CWC27: variants seen among roughly 807,000 people sequenced by gnomAD.
CWC27 encodes the protein CWC27 spliceosome associated cyclophilin.
CWC27 carries 47 observed loss-of-function variants against 63.6 expected under a neutral mutation model. That is an observed-to-expected ratio of 0.74 (90% confidence interval 0.58 to 0.94). The LOEUF (loss-of-function observed/expected upper bound fraction) is 0.94. Among genes scored for constraint, CWC27 ranks in the 40% least tolerant of loss-of-function variants. The pLI is 0.00. For missense variants in CWC27, 495 were observed against 554.3 expected (o/e 0.89, Z 1.07); for synonymous variants, 175 against 179.8 (o/e 0.97, Z 0.22).
intron 13 of CWC27, among the ~76,000 whole-genome samples, chr5:64,982,059 C>G (rs574983496): frequency 6.6e-6 from 1 of 152,286 alleles, no homozygotes; most frequent in African/African-American, 2.4e-5. Context: ...AGTTTTAAAG[C>G]TTTCCTTTGG....
chr5:64,996,988 C>T (rs956338412), intron 13 of CWC27, among the ~76,000 whole-genome samples: 1 of 152,080 alleles, frequency 6.6e-6, no homozygotes, highest in Non-Finnish European at 1.5e-5. Flanking sequence ...CAAATGACTT[C>T]AGGACTTAAT....
intron 13 of CWC27, among the ~76,000 whole-genome samples, chr5:65,000,400 T>A (rs1189944864): frequency 6.6e-6 from 1 of 152,048 alleles, no homozygotes; most frequent in Non-Finnish European, 1.5e-5. Flanking sequence ...AATTTTTGCC[T>A]GGACCAATGC....
At chr5:65,009,640 G>A in intron 13 of CWC27, among the ~76,000 whole-genome samples, 1 of 152,262 alleles carries the variant, frequency 6.6e-6, no homozygotes, top group East Asian at 1.9e-4. Flanking sequence ...CATAAGGAAG[G>A]AAGAAACTAA....
intron 1 of CWC27, among the ~76,000 whole-genome samples, chr5:64,773,374 A>G (rs1743331640): frequency 6.6e-6 from 1 of 152,222 alleles, no homozygotes; most frequent in Non-Finnish European, 1.5e-5. Flanking sequence ...CACATATTGT[A>G]TGATTCTGTT....
intron 11 of CWC27, among the ~76,000 whole-genome samples, chr5:64,928,815 A>G (rs1437181460): frequency 6.6e-6 from 1 of 152,206 alleles, no homozygotes; most frequent in African/African-American, 2.4e-5. Context: ...CTAAAACTGA[A>G]TGTAAGTAGA....
At position 64,854,958 on chromosome 5, in the gene CWC27, C is replaced by T. The variant is rs145528942; in HGVS notation, c.939-30485C>T. Among the ~76,000 whole-genome samples the T allele has an allele frequency of 1.7e-3, 259 of 150,846 alleles. 1 individual carries two copies. Among genetic ancestry groups the T allele is most frequent in the African/African-American group, 6.2e-3 (255 of 41,196 alleles). ...AGTTCTTTTTTGAAAGATTTATCGTCAAAAAAAAATCTAGTTTAGTATGTC... is the reference window on the plus strand; with the variant it reads ...AGTTCTTTTTTGAAAGATTTATCGTTAAAAAAAAATCTAGTTTAGTATGTC... On this transcript the variant is annotated intron_variant, in intron 10 of 13. Transcript: ENST00000381070.
In CWC27 at chr5:64,804,257, A is replaced by T; in HGVS notation, c.809A>T (p.Asp270Val). 1 of 1,612,354 alleles carries T rather than the reference A, an allele frequency of 6.2e-7. No homozygotes were observed. Among genetic ancestry groups the T allele is most frequent in the Non-Finnish European group, 8.5e-7 (1 of 1,179,150 alleles). The change falls in exon 10 of 14, where the codon GAT (aspartate) becomes GTT (valine). Residue 270 changes from aspartate (D) to valine (V), a missense_variant. This residue lies in a region of CWC27 where 463 missense variants were observed against 498.1 expected (regional missense o/e 0.93). Coordinates refer to ENST00000381070, the MANE Select transcript of CWC27 (RefSeq NM_005869.4). ...DDGEDESAEH[D>V]EYIDGDEKNL... Reference sequence around the variant, plus strand: ...GGAGAAGATGAAAGTGCAGAGCATGATGAATATATTGATGGTGATGAAAAG... The same window carrying T: ...GGAGAAGATGAAAGTGCAGAGCATGTTGAATATATTGATGGTGATGAAAAG...
intron 10 of CWC27, among the ~76,000 whole-genome samples, chr5:64,841,884 T>G (rs942600735): frequency 6.6e-6 from 1 of 152,122 alleles, no homozygotes; most frequent in African/African-American, 2.4e-5. Context: ...TTCTCCATGT[T>G]GGTCAGGCTG....
chr5:64,856,468 A>ATGTGTGTGTGTG (rs10640210), intron 10 of CWC27, among the ~76,000 whole-genome samples: 3 of 149,588 alleles, frequency 2.0e-5, no homozygotes, highest in African/African-American at 7.3e-5. Flanking sequence ...GTGTGTGTGT[A>ATGTGTGTGTGTG]TGTGTGTGTG....
At chr5:64,804,125 A>AC in intron 9 of CWC27, 104 bp from the exon 10 acceptor site, 1 of 1,024,980 alleles carries the variant, frequency 9.8e-7, no homozygotes, top group Non-Finnish European at 1.4e-6. Context: ...AAAAAAAAAA[A>AC]CCTAGTTTAG....
intron 2 of CWC27, among the ~76,000 whole-genome samples, chr5:64,779,230 G>A (rs1743569667): frequency 6.6e-6 from 1 of 152,010 alleles, no homozygotes; most frequent in South Asian, 2.1e-4. Flanking sequence ...AAATCTTTAG[G>A]GAAGCTCAGT....
intron 11 of CWC27, among the ~76,000 whole-genome samples, chr5:64,918,881 G>A (rs1177767104): frequency 1.3e-5 from 2 of 152,008 alleles, no homozygotes; most frequent in Non-Finnish European, 2.9e-5. Context: ...CCATCCCTCA[G>A]TGATTCCACA....
chr5:64,771,334 A>T (rs1033817096), intron 1 of CWC27, among the ~76,000 whole-genome samples: 1 of 152,358 alleles, frequency 6.6e-6, no homozygotes, highest in Middle Eastern at 3.4e-3. Context: ...AGAGACATTC[A>T]GAGTAAATGG....
intron 11 of CWC27, among the ~76,000 whole-genome samples, chr5:64,927,883 G>A (rs760394978): frequency 5.9e-5 from 9 of 152,104 alleles, no homozygotes; most frequent in Non-Finnish European, 7.4e-5. Flanking sequence ...AGCCGGGCAC[G>A]GTGGCTCATG....
chr5:64,958,869 A>C (rs899462909), intron 11 of CWC27, among the ~76,000 whole-genome samples: 1 of 152,170 alleles, frequency 6.6e-6, no homozygotes, highest in African/African-American at 2.4e-5. Context: ...TGAATTACAC[A>C]TAATCAGTGT....
chr5:64,946,160 T>C (rs958928484), intron 11 of CWC27, among the ~76,000 whole-genome samples: 19 of 152,144 alleles, frequency 1.2e-4, no homozygotes, highest in African/African-American at 4.3e-4. Context: ...TAATTTTTAA[T>C]CAATTGAGTA....
intron 9 of CWC27, among the ~76,000 whole-genome samples, chr5:64,803,865 T>G (rs1744567531): frequency 6.6e-6 from 1 of 152,022 alleles, no homozygotes; most frequent in Non-Finnish European, 1.5e-5. Context: ...CCTGTTGAGG[T>G]CAGTATGCTG....
intron 13 of CWC27, among the ~76,000 whole-genome samples, chr5:64,995,262 G>A (rs1749611832): frequency 1.3e-5 from 2 of 152,040 alleles, no homozygotes; most frequent in South Asian, 2.1e-4. Flanking sequence ...ATGAGCCACG[G>A]CGCCTGGCCT....
At chr5:64,967,391 T>A (rs1749037766) in intron 11 of CWC27, among the ~76,000 whole-genome samples, 1 of 152,018 alleles carries the variant, frequency 6.6e-6, no homozygotes, top group African/African-American at 2.4e-5. Context: ...ACTGTCAAAA[T>A]CCTACCTGAC....
Sources: allele counts gnomAD v4.1 joint callset (sites outside exome capture counted in the v4.1 genomes callset), GRCh38; gene constraint gnomAD v4.1.1; regional missense constraint gnomAD v4.1.1; transcripts MANE v1.5; gene names NCBI Gene and HGNC (gene_info 2026-07-23, HGNC 2026-07-21).